The following ADCY2 variants were observed in gnomAD, a reference collection of about 807,000 sequenced individuals.
The protein encoded by ADCY2 is adenylate cyclase 2, also known as adenylate cyclase type 2.
ADCY2 carries 31 observed loss-of-function variants against 125.2 expected under a neutral mutation model. The ratio of observed to expected loss-of-function variants is 0.25; its 90% CI spans 0.19 to 0.33. The LOEUF is 0.33. ADCY2 is among the 10% of genes least tolerant of loss of function. The pLI is 1.00. For synonymous variants in ADCY2, 512 were observed against 548.4 expected (o/e 0.93, Z 0.93); for missense variants, 904 against 1,418.2 (o/e 0.64, Z 5.82).
At chr5:7,739,707 C>T (rs924454137) in intron 14 of ADCY2, among the ~76,000 whole-genome samples, 3 of 151,660 alleles carry the variant, frequency 2.0e-5, no homozygotes, top group Non-Finnish European at 4.4e-5. Context: ...TCACAAAGCA[C>T]CCAAACTAAC....
At chr5:7,522,028 C>T (rs1169861394) in intron 3 of ADCY2, among the ~76,000 whole-genome samples, 3 of 152,176 alleles carry the variant, frequency 2.0e-5, no homozygotes, top group African/African-American at 7.2e-5. Context: ...CATATGGCTC[C>T]TCTCTGCATT....
intron 15 of ADCY2, among the ~76,000 whole-genome samples, chr5:7,750,901 A>G (rs536880953): frequency 3.3e-5 from 5 of 151,502 alleles, no homozygotes; most frequent in East Asian, 2.0e-4. Flanking sequence ...CTGCAACGTC[A>G]TTGTCCAATA....
chr5:7,654,215 CAG>C (rs1439053247), intron 4 of ADCY2: 1 of 452,192 alleles, frequency 2.2e-6, no homozygotes, highest in African/African-American at 2.0e-5. Flanking sequence ...GGTGTCTAGA[CAG>C]AGACAGCCCA....
At position 7,826,860 on chromosome 5, in the gene ADCY2, G is replaced by A. The variant is rs200555888; in HGVS notation, c.3265G>A (p.Val1089Met). The A allele has an allele frequency of 4.4e-6, 7 of 1,608,026 alleles. No homozygotes were observed. In the East Asian group the frequency reaches 6.7e-5, roughly 15 times the overall value. ...EMSRSLSQSN[V>M]AS is the part of the protein sequence containing the mutation. ...GTCAAGGTCCCTTTCCCAGAGCAACGTGGCATCCTGAAGAGTCACCTTCAT... is the reference window on the plus strand; with the variant it reads ...GTCAAGGTCCCTTTCCCAGAGCAACATGGCATCCTGAAGAGTCACCTTCAT... Residue 1089 changes from valine to methionine, a missense_variant, in exon 25 of 25, where the codon GTG (valine) becomes ATG (methionine). Physicochemically the swap from Val to Met is conservative, Grantham distance 21 (BLOSUM62 1). Coordinates refer to ENST00000338316, the MANE Select transcript of ADCY2 (RefSeq NM_020546.3).
chr5:7,456,005 T>G (rs930723553), intron 2 of ADCY2, among the ~76,000 whole-genome samples: 1 of 151,132 alleles, frequency 6.6e-6, no homozygotes, highest in Non-Finnish European at 1.5e-5. Flanking sequence ...AAAAATTTTA[T>G]CTGCCACTTT....
At chr5:7,582,724 A>G (rs1343725826) in intron 3 of ADCY2, among the ~76,000 whole-genome samples, 1 of 152,154 alleles carries the variant, frequency 6.6e-6, no homozygotes, top group Non-Finnish European at 1.5e-5. Flanking sequence ...GAGAAAGTAG[A>G]AATTTTAAAC....
intron 3 of ADCY2, among the ~76,000 whole-genome samples, chr5:7,555,592 A>T (rs1051200200): frequency 2.6e-5 from 4 of 152,210 alleles, no homozygotes; most frequent in Non-Finnish European, 5.9e-5. Context: ...TTAAATACAC[A>T]GGGAGCTAAT....
intron 8 of ADCY2, among the ~76,000 whole-genome samples, 195 bp from the exon 9 acceptor site, chr5:7,707,511 G>T (rs1221453399): frequency 6.6e-5 from 10 of 152,192 alleles, no homozygotes; most frequent in African/African-American, 2.2e-4. Flanking sequence ...GTGCAGAGAA[G>T]CTCCAAAACT....
At chr5:7,788,563 AGAG>A (rs1214199211) in intron 19 of ADCY2, among the ~76,000 whole-genome samples, 3 of 152,258 alleles carry the variant, frequency 2.0e-5, no homozygotes, top group African/African-American at 7.2e-5. Flanking sequence ...ATGCCACACC[AGAG>A]GAGGAGTTTT....
chr5:7,537,019 A>G (rs1355123424), intron 3 of ADCY2, among the ~76,000 whole-genome samples: 2 of 44,426 alleles, frequency 4.5e-5, no homozygotes, highest in Non-Finnish European at 5.1e-4. Context: ...ACTGTCTTTA[A>G]TTCTGTATAT....
intron 2 of ADCY2, among the ~76,000 whole-genome samples, chr5:7,514,796 G>T (rs1339943742): frequency 6.6e-6 from 1 of 152,168 alleles, no homozygotes; most frequent in East Asian, 1.9e-4. Context: ...GATGGCAGTG[G>T]AGTGATCAGA....
intron 22 of ADCY2, among the ~76,000 whole-genome samples, chr5:7,805,298 G>A (rs1744725201): frequency 6.6e-6 from 1 of 152,174 alleles, no homozygotes; most frequent in African/African-American, 2.4e-5. Context: ...TCCAGCCCGT[G>A]TGACAGAGTG....
intron 4 of ADCY2, among the ~76,000 whole-genome samples, chr5:7,686,058 T>C (rs1740509533): frequency 6.6e-6 from 1 of 152,218 alleles, no homozygotes; most frequent in South Asian, 2.1e-4. Context: ...AAGATTCATA[T>C]GAAAGGAGTG....
At chr5:7,674,557 T>C (rs79215431) in intron 4 of ADCY2, among the ~76,000 whole-genome samples, 3,166 of 152,334 alleles carry the variant, frequency 0.021, 121 homozygotes, top group African/African-American at 0.073. Context: ...ATTTTATTCA[T>C]TTTTTAAAAC....
intron 3 of ADCY2, among the ~76,000 whole-genome samples, chr5:7,592,790 A>G (rs368361554): frequency 6.6e-6 from 1 of 152,180 alleles, no homozygotes; most frequent in South Asian, 2.1e-4. Context: ...ACTGGGCTTC[A>G]TCTTGTACCA....
rs60652060 is a variant in ADCY2, at chr5:7,557,135, T to TTATATATATATATATATATATATATATA, written c.570+36250_570+36251insTATATATATATATATATATATATATATA. On this transcript the variant is annotated intron_variant, in intron 3 of 24. Coordinates refer to ENST00000338316, the MANE Select transcript of ADCY2 (RefSeq NM_020546.3). ...CTATAAATCATGAAGCAAAAACAGT[T>TTATATATATATATATATATATATATATA]TATATATATATATAAACTTTATAGA... is the stretch of plus-strand genomic sequence containing the variant. Among the ~76,000 whole-genome samples the TTATATATATATATATATATATATATATA allele has an allele frequency of 1.9e-3, 146 of 77,474 alleles. 2 individuals are homozygous for TTATATATATATATATATATATATATATA. Among genetic ancestry groups the TTATATATATATATATATATATATATATA allele is most frequent in the African/African-American group, 4.7e-3 (139 of 29,276 alleles). 50.8% of individuals were successfully genotyped at this position (77,474 alleles called of 152,430 possible).
chr5:7,489,343 T>C lies in ADCY2; in HGVS notation c.409-31395T>C, dbSNP rs574012173. On this transcript the variant is annotated intron_variant, in intron 2 of 24. Coordinates refer to ENST00000338316, the MANE Select transcript of ADCY2 (RefSeq NM_020546.3). ...TCTTTCTTTTTGACACACTTACATA[T>C]TGAGTGTTGCAGTTTCCCTGGTTCA... 3.3e-5 allele frequency among the ~76,000 whole-genome samples: 5 copies of C among 152,292 alleles called. No individual in the cohort carries two copies. In the South Asian group the frequency reaches 1.0e-3, roughly 32 times the overall value.
intron 2 of ADCY2, among the ~76,000 whole-genome samples, chr5:7,482,724 C>G (rs1242705608): frequency 6.9e-6 from 1 of 145,276 alleles, no homozygotes; most frequent in Non-Finnish European, 1.5e-5. Flanking sequence ...GATATGGAAC[C>G]CACCTAAGTG....
At chr5:7,429,553 A>G (rs1349922134) in intron 2 of ADCY2, among the ~76,000 whole-genome samples, 2 of 152,250 alleles carry the variant, frequency 1.3e-5, no homozygotes, top group Non-Finnish European at 2.9e-5. Flanking sequence ...TTGTTATGAT[A>G]CAAAGTATGT....
Sources: gnomAD v4.1 joint callset for allele counts (sites outside exome capture counted in the v4.1 genomes callset) on GRCh38, gnomAD v4.1.1 for gene constraint, MANE v1.5 for transcripts, NCBI Gene and HGNC (gene_info 2026-07-23, HGNC 2026-07-21) for gene names.